Variants in TESMIN observed in about 807,000 individuals in gnomAD.
TESMIN encodes testis expressed metallothionein like protein, also known as CXC domain containing 2.
Under a neutral mutation model 47.4 loss-of-function variants are expected in TESMIN, and 34 were observed. The ratio of observed to expected loss-of-function variants is 0.72; its 90% CI spans 0.55 to 0.96. The LOEUF (loss-of-function observed/expected upper bound fraction) is 0.96. TESMIN is among the 40% of genes least tolerant of loss of function. TESMIN has a pLI of 0.00. For synonymous variants in TESMIN, 278 were observed against 258.9 expected (o/e 1.07, Z -0.71); for missense variants, 610 against 637.2 (o/e 0.96, Z 0.46).
At chr11:68,745,150 C>T (rs1274624390) in intron 3 of TESMIN, 39 bp from the exon 4 acceptor site, 2 of 1,560,840 alleles carry the variant, frequency 1.3e-6, no homozygotes, top group Non-Finnish European at 1.7e-6. Flanking sequence ...ATTTTTGAAA[C>T]ATAATTCCAG....
chr11:68,749,484 G>A (rs191242568), intron 2 of TESMIN, among the ~76,000 whole-genome samples: 1 of 152,202 alleles, frequency 6.6e-6, no homozygotes, highest in African/African-American at 2.4e-5. Context: ...GAGGGGTCGA[G>A]AACACATTTT....
At chr11:68,737,670 G>C (rs894430356) in intron 6 of TESMIN, 4 of 985,190 alleles carry the variant, frequency 4.1e-6, no homozygotes, top group Non-Finnish European at 4.8e-6. Flanking sequence ...CCAGCACTTT[G>C]GGAGGCTGAG....
chr11:68,749,517 G>T (rs1946562689), intron 2 of TESMIN, among the ~76,000 whole-genome samples: 1 of 152,178 alleles, frequency 6.6e-6, no homozygotes, highest in Non-Finnish European at 1.5e-5. Flanking sequence ...TGTTTCCTTT[G>T]AAAACTCATT....
chr11:68,728,745 T>C (rs991794252), intron 6 of TESMIN, among the ~76,000 whole-genome samples: 9 of 152,272 alleles, frequency 5.9e-5, no homozygotes, highest in Non-Finnish European at 7.3e-5. Flanking sequence ...TTTCCCATTC[T>C]GCAAATCCTA....
intron 6 of TESMIN, among the ~76,000 whole-genome samples, chr11:68,733,331 A>G (rs1226626691): frequency 6.6e-6 from 1 of 152,252 alleles, no homozygotes; most frequent in East Asian, 1.9e-4. Context: ...TTAACGCTCA[A>G]CAATGACATC....
intron 9 of TESMIN, among the ~76,000 whole-genome samples, chr11:68,708,781 T>C (rs916827452): frequency 4.1e-5 from 6 of 147,870 alleles, no homozygotes; most frequent in African/African-American, 9.9e-5. Context: ...TGATACTGAG[T>C]CCTGCTCTGT....
Position 68,750,494 on chromosome 11 carries a change from G to A in TESMIN, c.167C>T (p.Pro56Leu), listed in dbSNP as rs1398174593. ...FHVFKEAYLGPADPKEPVLHA... is the reference protein window; with the variant it reads ...FHVFKEAYLGLADPKEPVLHA... ...CAGGACGGGTTCCTTGGGGTCCGCC[G>A]GGCCCAGGTACGCTTCTTTGAAGAC... Residue 56 changes from proline (P) to leucine (L), a missense_variant, in exon 2 of 10, where the codon CCG becomes CTG. Physicochemically the swap from Pro to Leu is moderately conservative, Grantham distance 98. Transcript: ENST00000255087. The A allele has an allele frequency of 1.9e-6, 3 of 1,602,622 alleles. No individual in the cohort carries two copies. The highest frequency in any genetic ancestry group is 1.7e-5 in the Admixed American group (1 of 58,820).
intron 4 of TESMIN, among the ~76,000 whole-genome samples, chr11:68,743,748 T>C (rs927125959): frequency 6.6e-6 from 1 of 152,216 alleles, no homozygotes; most frequent in African/African-American, 2.4e-5. Context: ...TAGAAGCACC[T>C]GAACACTTTT....
chr11:68,731,140 A>T (rs1237698330), intron 6 of TESMIN, among the ~76,000 whole-genome samples: 1 of 152,242 alleles, frequency 6.6e-6, no homozygotes, highest in Non-Finnish European at 1.5e-5. Context: ...ACCTGAAAGC[A>T]GAAGTTGCTA....
chr11:68,721,943 C>T (rs1946208405), intron 6 of TESMIN, among the ~76,000 whole-genome samples: 1 of 152,158 alleles, frequency 6.6e-6, no homozygotes, highest in Non-Finnish European at 1.5e-5. Flanking sequence ...CAGAAAGTTA[C>T]TATATGATCC....
chr11:68,728,833 T>C (rs1479202149), intron 6 of TESMIN, among the ~76,000 whole-genome samples: 2 of 152,246 alleles, frequency 1.3e-5, no homozygotes, highest in African/African-American at 4.8e-5. Context: ...TGACAGCACA[T>C]CTGTTTACAG....
Position 68,710,660 on chromosome 11 carries a change from A to G in TESMIN, c.1334+214T>C, listed in dbSNP as rs1946052389. The G allele has an allele frequency of 1.7e-5, 9 of 514,608 alleles. No individual in the cohort carries two copies. The South Asian group carries it at 2.9e-4, about 16-fold the overall frequency. 31.9% of individuals were successfully genotyped at this position (514,608 alleles called of 1,614,324 possible). A position where few individuals can be genotyped will look rare whatever the true frequency, so the allele number is the denominator to read the frequency against. The stretch of plus-strand genomic sequence containing the variant: ...AGACAGTGAGGATGAGAAGACAAAG[A>G]GGACAAAACAGGTTTCTGCAGCGGG... On this transcript the variant is annotated intron_variant, in intron 9 of 9. Coordinates refer to ENST00000255087, the MANE Select transcript of TESMIN (RefSeq NM_004923.3).
At chr11:68,713,248 A>G (rs745479465) in intron 8 of TESMIN, 22 bp downstream of exon 8, 4 of 1,598,644 alleles carry the variant, frequency 2.5e-6, no homozygotes, top group Non-Finnish European at 3.4e-6. Flanking sequence ...TTTGTTAGTG[A>G]GTTAGGGAGC....
chr11:68,725,769 A>G (rs1946255700), intron 6 of TESMIN, among the ~76,000 whole-genome samples: 2 of 152,178 alleles, frequency 1.3e-5, no homozygotes, highest in African/African-American at 4.8e-5. Flanking sequence ...TACCATGCCC[A>G]GCTCAATGAC....
intron 2 of TESMIN, among the ~76,000 whole-genome samples, chr11:68,748,096 C>G (rs1260624612): frequency 2.6e-5 from 4 of 152,186 alleles, no homozygotes; most frequent in African/African-American, 7.2e-5. Context: ...GACAGTGGGG[C>G]TCCCCAAAGG....
chr11:68,745,181 C>T, intron 3 of TESMIN, 70 bp from the exon 4 acceptor site: 11 of 1,414,312 alleles, frequency 7.8e-6, no homozygotes, highest in Non-Finnish European at 9.5e-6. Flanking sequence ...CCTAAATAAA[C>T]TTAAATCTGA....
chr11:68,711,442 AGTGT>A (rs55864019), intron 8 of TESMIN, among the ~76,000 whole-genome samples: 90,826 of 150,164 alleles, frequency 0.6, 28,536 homozygotes, highest in East Asian at 0.78. Context: ...TGCGTTTGAG[AGTGT>A]GTGTGTGTGT....
chr11:68,714,210 C>T (rs1238083544), intron 7 of TESMIN, among the ~76,000 whole-genome samples: 2 of 152,230 alleles, frequency 1.3e-5, no homozygotes, highest in Admixed American at 6.5e-5. Context: ...TCCAGCAGCA[C>T]GGCCCCTAGC....
intron 5 of TESMIN, among the ~76,000 whole-genome samples, chr11:68,741,884 G>A (rs1037161276): frequency 1.3e-5 from 2 of 152,186 alleles, no homozygotes; most frequent in African/African-American, 2.4e-5. Flanking sequence ...ACCAAAACTC[G>A]GGAAAAAGAG....
Sources: gnomAD v4.1 joint callset for allele counts (sites outside exome capture counted in the v4.1 genomes callset) on GRCh38, gnomAD v4.1.1 for gene constraint, MANE v1.5 for transcripts, NCBI Gene and HGNC (gene_info 2026-07-23, HGNC 2026-07-21) for gene names.